ZNF503: variants seen among roughly 807,000 people sequenced by gnomAD.
ZNF503 encodes NocA-like zinc finger 2.
Under a neutral mutation model 34.4 loss-of-function variants are expected in ZNF503, and 15 were observed. The observed-to-expected ratio is 0.44, with a 90% CI of 0.29 to 0.67. ZNF503 has a LOEUF of 0.67. Among genes scored for constraint, ZNF503 ranks in the 30% least tolerant of loss-of-function variants. The probability of loss-of-function intolerance (pLI) is 0.13; values close to 1 mark genes in which losing one functional copy is unlikely to be tolerated. For missense variants in ZNF503, 1,007 were observed against 926.8 expected (o/e 1.09, Z -1.12); for synonymous variants, 580 against 456.8 (o/e 1.27, Z -3.44).
chr10:75,284,723 T>A, the ZNF503 span, among the ~76,000 whole-genome samples: 2 of 152,192 alleles, frequency 1.3e-5, no homozygotes, highest in African/African-American at 2.4e-5. Flanking sequence ...GATTATAGTC[T>A]GCCCAGCGAT....
At chr10:75,370,121 G>T in the ZNF503 span, among the ~76,000 whole-genome samples, 2 of 151,776 alleles carry the variant, frequency 1.3e-5, no homozygotes, top group South Asian at 4.2e-4. Flanking sequence ...GTTATCTTGG[G>T]GAGGTTAGAG....
chr10:75,286,905 C>T, the ZNF503 span, among the ~76,000 whole-genome samples: 78 of 152,312 alleles, frequency 5.1e-4, no homozygotes, highest in East Asian at 0.013. Flanking sequence ...TTACTTATGA[C>T]ACTCCTAGCA....
the ZNF503 span, among the ~76,000 whole-genome samples, chr10:75,362,459 C>T: frequency 6.6e-6 from 1 of 152,032 alleles, no homozygotes; most frequent in South Asian, 2.1e-4. Flanking sequence ...CACCCCCAGC[C>T]CACACCAGAG....
At chr10:75,329,366 A>C in the ZNF503 span, among the ~76,000 whole-genome samples, 93 of 147,462 alleles carry the variant, frequency 6.3e-4, 1 homozygote, top group African/African-American at 2.3e-3. Flanking sequence ...ACTATCATAA[A>C]ACAGCTTCTT....
the ZNF503 span, among the ~76,000 whole-genome samples, chr10:75,378,047 G>C: frequency 6.6e-5 from 10 of 151,984 alleles, no homozygotes; most frequent in East Asian, 1.7e-3. Flanking sequence ...GAGATAGTGA[G>C]ATCTCATGAG....
chr10:75,309,652 A>G, the ZNF503 span, among the ~76,000 whole-genome samples: 1 of 152,232 alleles, frequency 6.6e-6, no homozygotes, highest in African/African-American at 2.4e-5. Flanking sequence ...ATTTGAATAT[A>G]ACTTTTATAT....
the ZNF503 span, among the ~76,000 whole-genome samples, chr10:75,316,945 T>C: frequency 1.3e-5 from 2 of 152,178 alleles, no homozygotes; most frequent in African/African-American, 2.4e-5. Context: ...CATTATTTTA[T>C]ATTTTTATTT....
the ZNF503 span, among the ~76,000 whole-genome samples, chr10:75,322,684 T>TA: frequency 1.3e-5 from 2 of 151,800 alleles, no homozygotes; most frequent in Non-Finnish European, 2.9e-5. Context: ...AAATTAAAAA[T>TA]AAAAAAATTA....
chr10:75,287,266 A>T, the ZNF503 span, among the ~76,000 whole-genome samples: 1 of 152,082 alleles, frequency 6.6e-6, no homozygotes, highest in Non-Finnish European at 1.5e-5. Context: ...CCCTGGACCC[A>T]GCTCAGGGAG....
At chr10:75,384,247 A>G in the ZNF503 span, among the ~76,000 whole-genome samples, 1 of 151,992 alleles carries the variant, frequency 6.6e-6, no homozygotes, top group South Asian at 2.1e-4. Context: ...TGGTGCAGAC[A>G]CACACACACA....
chr10:75,288,063 C>T, the ZNF503 span, among the ~76,000 whole-genome samples: 1 of 152,228 alleles, frequency 6.6e-6, no homozygotes, highest in South Asian at 2.1e-4. Flanking sequence ...CATTCCAGCA[C>T]TAGCCATAGC....
downstream of ZNF503, among the ~76,000 whole-genome samples, chr10:75,397,130 C>T (rs1039977786): frequency 4.6e-5 from 7 of 151,486 alleles, no homozygotes; most frequent in Non-Finnish European, 7.4e-5. Flanking sequence ...AGAGCGCCGG[C>T]TGCAGAGCCA....
the ZNF503 span, among the ~76,000 whole-genome samples, chr10:75,359,695 G>A: frequency 6.6e-6 from 1 of 152,208 alleles, no homozygotes; most frequent in Non-Finnish European, 1.5e-5. Context: ...TTCAGGGCAG[G>A]TTAGTCCCCA....
the ZNF503 span, among the ~76,000 whole-genome samples, chr10:75,346,095 T>C: frequency 6.6e-6 from 1 of 152,210 alleles, no homozygotes; most frequent in African/African-American, 2.4e-5. Flanking sequence ...GCATCTCTTG[T>C]TCTTGGACAG....
At chr10:75,309,720 G>A in the ZNF503 span, among the ~76,000 whole-genome samples, 14 of 151,992 alleles carry the variant, frequency 9.2e-5, no homozygotes, top group Non-Finnish European at 1.8e-4. Context: ...TTATCATGGT[G>A]GTCTGGAACT....
the ZNF503 span, among the ~76,000 whole-genome samples, chr10:75,318,967 A>C: frequency 3.1e-5 from 3 of 95,596 alleles, no homozygotes; most frequent in South Asian, 9.2e-4. Flanking sequence ...TCTCTTTCTT[A>C]TTTCTTTTTC....
At chr10:75,356,029 C>A in the ZNF503 span, among the ~76,000 whole-genome samples, 1 of 152,136 alleles carries the variant, frequency 6.6e-6, no homozygotes, top group Non-Finnish European at 1.5e-5. Context: ...AGTATGGCAG[C>A]CAGGTTCCCA....
the ZNF503 span, chr10:75,360,529 CT>C: frequency 6.6e-6 from 1 of 152,330 alleles, no homozygotes; most frequent in Admixed American, 6.5e-5. Flanking sequence ...ATTCCTGGCC[CT>C]GCTTAGGCTG....
At chr10:75,370,658 A>G in the ZNF503 span, among the ~76,000 whole-genome samples, 1 of 151,790 alleles carries the variant, frequency 6.6e-6, no homozygotes, top group African/African-American at 2.4e-5. Flanking sequence ...GCATGCCTGT[A>G]ATCCTAACTA....
Sources: gnomAD v4.1 joint callset for allele counts (sites outside exome capture counted in the v4.1 genomes callset) on GRCh38, gnomAD v4.1.1 for gene constraint, MANE v1.5 for transcripts, NCBI Gene and HGNC (gene_info 2026-07-23, HGNC 2026-07-21) for gene names.